VPS45: variants seen among roughly 807,000 people sequenced by gnomAD.
The protein encoded by VPS45 is vacuolar protein sorting-associated protein 45.
A neutral mutation model predicts 75.9 loss-of-function variants in VPS45; 35 were observed. That is an observed-to-expected ratio of 0.46 (90% confidence interval 0.35 to 0.61). The LOEUF (loss-of-function observed/expected upper bound fraction) is 0.61. VPS45 is among the 20% of genes least tolerant of loss of function. VPS45 has a pLI of 0.00. For missense variants in VPS45, 559 were observed against 685.9 expected (o/e 0.81, Z 2.07); for synonymous variants, 220 against 238.2 (o/e 0.92, Z 0.70).
chr1:150,133,373 A>G (rs1658923125), intron 14 of VPS45, among the ~76,000 whole-genome samples: 1 of 151,882 alleles, frequency 6.6e-6, no homozygotes, highest in Admixed American at 6.6e-5. Flanking sequence ...AACATGGTGA[A>G]ACCCCATCTC....
intron 14 of VPS45, chr1:150,142,737 C>T (rs1411171581): frequency 2.5e-5 from 9 of 364,760 alleles, no homozygotes; most frequent in African/African-American, 1.9e-4. Flanking sequence ...ACAATCTTGG[C>T]TCACTGCAAC....
chr1:150,079,818 T>C lies in VPS45; in HGVS notation c.688-1524T>C, dbSNP rs374466783. Among the ~76,000 whole-genome samples the C allele has an allele frequency of 1.4e-4, 22 of 152,342 alleles. 1 individual carries two copies. The South Asian group carries it at 4.6e-3, about 32-fold the overall frequency. Reference sequence around the variant, plus strand: ...TCTGTGGAGTGAAACTTCTCTGTAGTATAAAATAGCCTTGTATTCCTAAAA... The same window carrying C: ...TCTGTGGAGTGAAACTTCTCTGTAGCATAAAATAGCCTTGTATTCCTAAAA... On this transcript the variant is annotated intron_variant, in intron 7 of 14. Transcript: ENST00000644510.
intron 14 of VPS45, among the ~76,000 whole-genome samples, chr1:150,138,384 C>G (rs1181288910): frequency 6.6e-6 from 1 of 152,204 alleles, no homozygotes; most frequent in African/African-American, 2.4e-5. Context: ...CATTCCTTCT[C>G]TGTCTCATTT....
intron 10 of VPS45, among the ~76,000 whole-genome samples, chr1:150,085,485 T>C (rs1329382501): frequency 6.6e-6 from 1 of 152,158 alleles, no homozygotes; most frequent in Non-Finnish European, 1.5e-5. Flanking sequence ...GGTTTTCTTG[T>C]CTAGGGTATT....
chr1:150,145,090 A>G lies in VPS45; in HGVS notation c.*294A>G. ...GATCTGACTTGGGGAAAGGGTTATC[A>G]GAGCCTAGAGGGGCTTAAAAAGTAA... On this transcript the variant is annotated 3_prime_UTR_variant, in exon 15 of 15. Coordinates refer to ENST00000644510, the MANE Select transcript of VPS45 (RefSeq NM_007259.5). 1 of 666,044 alleles carries G rather than the reference A, an allele frequency of 1.5e-6. No individual in the cohort carries two copies. The highest frequency in any genetic ancestry group is 2.5e-6 in the Non-Finnish European group (1 of 398,492). 41.3% of individuals were successfully genotyped at this position (666,044 alleles called of 1,614,324 possible).
intron 9 of VPS45, among the ~76,000 whole-genome samples, chr1:150,082,227 C>T (rs1350423428): frequency 6.6e-6 from 1 of 152,214 alleles, no homozygotes; most frequent in East Asian, 1.9e-4. Context: ...CAATCTATTG[C>T]TGGGAGCAGT....
intron 13 of VPS45, 56 bp downstream of exon 13, chr1:150,093,704 T>C: frequency 6.3e-7 from 1 of 1,575,140 alleles, no homozygotes; most frequent in South Asian, 1.2e-5. Context: ...AAACAGAAAA[T>C]TTAGAGTAAT....
At chr1:150,131,507 A>G (rs1553812350) in intron 14 of VPS45, among the ~76,000 whole-genome samples, 2 of 151,746 alleles carry the variant, frequency 1.3e-5, no homozygotes, top group South Asian at 2.1e-4. Context: ...GCGAAACTCC[A>G]TCTCAAAAAA....
chr1:150,088,307 C>T (rs1656123257), intron 10 of VPS45, among the ~76,000 whole-genome samples: 1 of 151,830 alleles, frequency 6.6e-6, no homozygotes, highest in African/African-American at 2.4e-5. Context: ...TTAGATTCCA[C>T]ATATGAGTAA....
At chr1:150,106,975 T>C (rs1404357111) in intron 13 of VPS45, among the ~76,000 whole-genome samples, 1 of 152,182 alleles carries the variant, frequency 6.6e-6, no homozygotes, top group Non-Finnish European at 1.5e-5. Flanking sequence ...TTCACACTAT[T>C]AACCATTCTT....
intron 13 of VPS45, among the ~76,000 whole-genome samples, chr1:150,099,509 T>TAAA (rs1220956502): frequency 5.5e-5 from 8 of 144,846 alleles, no homozygotes; most frequent in African/African-American, 1.0e-4. Context: ...GAGACTCCAT[T>TAAA]AAAAAAAAAA....
chr1:150,077,613 T>G (rs1553798396), intron 6 of VPS45, 56 bp from the exon 7 acceptor site: 1 of 1,197,834 alleles, frequency 8.3e-7, no homozygotes, highest in Admixed American at 1.8e-5. Context: ...CCTATTTATA[T>G]CATTTCTATA....
At chr1:150,110,688 C>T in intron 14 of VPS45, 61 bp downstream of exon 14, 1 of 1,479,374 alleles carries the variant, frequency 6.8e-7, no homozygotes, top group Non-Finnish European at 9.1e-7. Flanking sequence ...AGCTTAAATT[C>T]CCTTTATGTT....
At chr1:150,110,780 T>G (rs1236482150) in intron 14 of VPS45, among the ~76,000 whole-genome samples, 153 bp downstream of exon 14, 1 of 152,218 alleles carries the variant, frequency 6.6e-6, no homozygotes, top group Non-Finnish European at 1.5e-5. Flanking sequence ...TTTAAGAATT[T>G]GTGAGAGAAA....
In VPS45 at chr1:150,072,670, A is replaced by AAAAAAAT; in HGVS notation, c.289+444_289+445insAAAAAAT. 1.8e-3 allele frequency among the ~76,000 whole-genome samples: 2 copies of AAAAAAAT among 1,118 alleles called. 1 individual carries two copies. Among genetic ancestry groups the AAAAAAAT allele is most frequent in the African/African-American group, 0.011 (2 of 188 alleles). The allele number at this position is 1,118 out of a possible 152,430, so 0.7% of individuals were successfully genotyped here. On this transcript the variant is annotated intron_variant, in intron 3 of 14. Coordinates refer to ENST00000644510, the MANE Select transcript of VPS45 (RefSeq NM_007259.5). ...AAACTCCATCTCAAAAAAAAAAAAA[A>AAAAAAAT]TACTTTTGACCAATATTCTGTTTCA...
intron 14 of VPS45, among the ~76,000 whole-genome samples, chr1:150,138,694 C>A (rs116410421): frequency 0.015 from 2,212 of 152,236 alleles, 65 homozygotes; most frequent in African/African-American, 0.051. Context: ...ACTCCTCACC[C>A]CATTGAGAAC....
intron 13 of VPS45, among the ~76,000 whole-genome samples, chr1:150,106,499 G>A (rs1657331694): frequency 6.6e-6 from 1 of 152,148 alleles, no homozygotes; most frequent in South Asian, 2.1e-4. Context: ...TCAGAGAAAT[G>A]CAAATGAAAA....
chr1:150,118,075 G>A (rs1658033556), intron 14 of VPS45, among the ~76,000 whole-genome samples: 1 of 151,840 alleles, frequency 6.6e-6, no homozygotes, highest in Admixed American at 6.6e-5. Context: ...TTGAGGCCAG[G>A]AGTTCGAGAC....
chr1:150,136,247 T>A (rs1360998529), intron 14 of VPS45, among the ~76,000 whole-genome samples: 7 of 123,962 alleles, frequency 5.6e-5, no homozygotes, highest in Admixed American at 8.1e-5. Context: ...AGACTCTGTC[T>A]ACAAAAAAAA....
Sources: allele counts gnomAD v4.1 joint callset (sites outside exome capture counted in the v4.1 genomes callset), GRCh38; gene constraint gnomAD v4.1.1; transcripts MANE v1.5; gene names NCBI Gene and HGNC (gene_info 2026-07-23, HGNC 2026-07-21).